Variants in WDR20 observed in about 807,000 individuals in gnomAD.
The protein encoded by WDR20 is WD repeat-containing protein 20.
In WDR20, 3 loss-of-function variants were observed where a neutral mutation model predicts 38.7. That is an observed-to-expected ratio of 0.08 (90% CI 0.04 to 0.20). The LOEUF (loss-of-function observed/expected upper bound fraction) is 0.20. Ranked by LOEUF, WDR20 falls within the 10% of genes least tolerant of loss-of-function variation. WDR20 has a pLI of 1.00. For missense variants in WDR20, 559 were observed against 727.7 expected, an observed-to-expected ratio of 0.77 and a Z score of 2.67; for synonymous variants, 298 against 285.6, an observed-to-expected ratio of 1.04 and a Z score of -0.44.
chr14:102,204,305 C>T (rs925999714), intron 2 of WDR20, among the ~76,000 whole-genome samples: 2 of 152,210 alleles, frequency 1.3e-5, no homozygotes, highest in Non-Finnish European at 2.9e-5. Context: ...TTCTGTCCTT[C>T]TGTCTTGCTC....
At chr14:102,199,275 G>T (rs1398910065) in intron 2 of WDR20, among the ~76,000 whole-genome samples, 1 of 151,772 alleles carries the variant, frequency 6.6e-6, no homozygotes, top group African/African-American at 2.4e-5. Context: ...AGAGGTTTGT[G>T]ATGAGGCTCA....
intron 2 of WDR20, among the ~76,000 whole-genome samples, chr14:102,206,706 G>C (rs1207003036): frequency 2.0e-5 from 3 of 152,182 alleles, no homozygotes; most frequent in Non-Finnish European, 2.9e-5. Context: ...GTGATGGAGC[G>C]AGCTGCAGAC....
chr14:102,214,463 G>A (rs997592031), downstream of WDR20: 2 of 985,308 alleles, frequency 2.0e-6, no homozygotes, highest in South Asian at 4.7e-5. Flanking sequence ...CTATAAGAAC[G>A]TGCCCCTCCA....
chr14:102,140,046 C>T lies in WDR20; in HGVS notation c.123C>T (p.Asn41=), dbSNP rs1260418208. The T allele has an allele frequency of 2.5e-6, 4 of 1,614,120 alleles. No homozygotes were observed. The African/African-American group carries it at 5.3e-5, about 22-fold the overall frequency. Residue 41 remains asparagine, a synonymous_variant, in exon 1 of 3, where the codon AAC becomes AAT. Coordinates refer to ENST00000342702, the MANE Select transcript of WDR20 (RefSeq NM_144574.4). ...GCCGGCCCAACCGGGTGCCCTTCAA[C>T]TCGCAGGGATCCAACCCTGTCCGCG... ...EYSRPNRVPF[N]SQGSNPVRVS...
chr14:102,200,291 C>T (rs2060076850), intron 2 of WDR20, among the ~76,000 whole-genome samples: 1 of 152,148 alleles, frequency 6.6e-6, no homozygotes, highest in South Asian at 2.1e-4. Context: ...TTGAAAATGT[C>T]TAATGGGCCA....
At chr14:102,165,001 C>T (rs1379240442) in intron 1 of WDR20, among the ~76,000 whole-genome samples, 3 of 152,216 alleles carry the variant, frequency 2.0e-5, no homozygotes, top group Non-Finnish European at 2.9e-5. Context: ...ACATATGCTC[C>T]GGCAGAGTTC....
chr14:102,176,637 T>A (rs2062171782), intron 1 of WDR20, among the ~76,000 whole-genome samples: 1 of 152,132 alleles, frequency 6.6e-6, no homozygotes, highest in Non-Finnish European at 1.5e-5. Flanking sequence ...GTTATATTCT[T>A]TCTGGTTTTG....
chr14:102,139,542 C>T (rs539360308), upstream of WDR20: 65 of 916,434 alleles, frequency 7.1e-5, 1 homozygote, highest in East Asian at 1.4e-3. Flanking sequence ...CTCAAGTTCA[C>T]CTCAGGCTCA....
At chr14:102,201,655 A>G (rs2060406283) in intron 2 of WDR20, among the ~76,000 whole-genome samples, 1 of 152,212 alleles carries the variant, frequency 6.6e-6, no homozygotes, top group Non-Finnish European at 1.5e-5. Flanking sequence ...TGGAGCCTGC[A>G]TCCCCACAGA....
chr14:102,208,470 A>C lies in WDR20; in HGVS notation c.433-133A>C, dbSNP rs1270960170. ...AAAACGCTCCTTGCTGGCTTGGCTG[A>C]CTGCAGGATAAAATGTGGAGGGCCT... On this transcript the variant is annotated intron_variant, in intron 2 of 2. Transcript: ENST00000342702. The surrounding 1 kb of genome is among the most constrained non-coding windows in gnomAD (Gnocchi z 5.6). 1 of 1,240,148 alleles carries C rather than the reference A, an allele frequency of 8.1e-7. No homozygotes were observed. Among genetic ancestry groups the C allele is most frequent in the East Asian group, 2.5e-5 (1 of 39,440 alleles). 76.8% of individuals were successfully genotyped at this position (1,240,148 alleles called of 1,614,324 possible).
At chr14:102,219,618 G>A (rs902100170), downstream of WDR20, among the ~76,000 whole-genome samples, 3 of 152,244 alleles carry the variant, frequency 2.0e-5, no homozygotes, top group African/African-American at 7.2e-5. Context: ...CTGACGGGCG[G>A]GCTCCAGGGA....
At chr14:102,218,758 G>A (rs556487951), downstream of WDR20, among the ~76,000 whole-genome samples, 60 of 152,308 alleles carry the variant, frequency 3.9e-4, no homozygotes, top group African/African-American at 1.3e-3. Flanking sequence ...TTCCTCTCAC[G>A]GTGTGGGGGC....
chr14:102,142,627 A>G (rs1286237621), intron 1 of WDR20, among the ~76,000 whole-genome samples: 3 of 151,768 alleles, frequency 2.0e-5, no homozygotes, highest in African/African-American at 7.3e-5. Context: ...TTAAAAAAAA[A>G]AATGTTTTTT....
chr14:102,211,185 G>A (rs1343840910), downstream of WDR20, among the ~76,000 whole-genome samples: 4 of 151,124 alleles, frequency 2.6e-5, no homozygotes, highest in Non-Finnish European at 5.9e-5. The surrounding 1 kb of genome is among the most constrained non-coding windows in gnomAD (Gnocchi z 4.2). Context: ...TCAAGATGGT[G>A]GTTATCTTAC....
At chr14:102,197,364 CA>C (rs1431103897) in intron 2 of WDR20, among the ~76,000 whole-genome samples, 1 of 152,154 alleles carries the variant, frequency 6.6e-6, no homozygotes, top group Non-Finnish European at 1.5e-5. Flanking sequence ...AACAAAATAC[CA>C]AGGGCTAGCT....
intron 1 of WDR20, among the ~76,000 whole-genome samples, chr14:102,182,139 T>C (rs111757836): frequency 0.02 from 3,084 of 152,300 alleles, 51 homozygotes; most frequent in Middle Eastern, 0.058. Flanking sequence ...CTCAGTTCAG[T>C]TCTTATGAAA....
intron 1 of WDR20, among the ~76,000 whole-genome samples, chr14:102,189,415 CTTATGCAAACTCATGAGCATAA>C (rs2065780704): frequency 6.6e-6 from 1 of 152,026 alleles, no homozygotes; most frequent in African/African-American, 2.4e-5. Flanking sequence ...TCAGTAACTC[CTTATGCAAACTCATGAGCATAA>C]TGATAAAATT....
chr14:102,223,853 C>G (rs1040295055), downstream of WDR20, among the ~76,000 whole-genome samples: 3 of 151,994 alleles, frequency 2.0e-5, no homozygotes, highest in Non-Finnish European at 2.9e-5. Context: ...GTGGTCGCCT[C>G]ACAGCCTCAG....
At position 102,200,467 on chromosome 14, in the gene WDR20, TTGTGTGTGTGTG is replaced by T. The variant is rs71395660; in HGVS notation, c.432+5377_432+5388del. On this transcript the variant is annotated intron_variant, in intron 2 of 2. Transcript: ENST00000342702. Reference sequence around the variant, plus strand: ...GAGTTTACTTTTTAAATTTTTTTTTTTGTGTGTGTGTGTGTGTGTGTGTGTGTGTGTGTGTGT... The same window carrying T: ...GAGTTTACTTTTTAAATTTTTTTTTTTGTGTGTGTGTGTGTGTGTGTGTGT... 4.2e-4 allele frequency among the ~76,000 whole-genome samples: 49 copies of T among 117,772 alleles called. No homozygotes were observed. In the East Asian group the frequency reaches 4.2e-3, roughly 10 times the overall value. 77.3% of individuals were successfully genotyped at this position (117,772 alleles called of 152,430 possible).
Sources: gnomAD v4.1 joint callset for allele counts (sites outside exome capture counted in the v4.1 genomes callset) on GRCh38, gnomAD v4.1.1 for gene constraint, Gnocchi (gnomAD v3.1) non-coding constraint, MANE v1.5 for transcripts, NCBI Gene and HGNC (gene_info 2026-07-23, HGNC 2026-07-21) for gene names.